Variants in CNOT2 observed in about 807,000 individuals in gnomAD.
The protein encoded by CNOT2 is CC chemokine receptor 4-negative regulator of transcription 2.
In CNOT2, 7 loss-of-function variants were observed where a neutral mutation model predicts 72.1. The ratio of observed to expected loss-of-function variants is 0.10; its 90% CI spans 0.06 to 0.18. CNOT2 has a LOEUF of 0.18. Ranked by LOEUF, CNOT2 falls within the 10% of genes least tolerant of loss-of-function variation. CNOT2 has a pLI of 1.00. For missense variants in CNOT2, 345 were observed against 660.3 expected (o/e 0.52, Z 5.23); for synonymous variants, 196 against 225.6 (o/e 0.87, Z 1.17).
intron 2 of CNOT2, among the ~76,000 whole-genome samples, chr12:70,281,692 TCATAGCCTTTA>T (rs1335956591): frequency 6.6e-6 from 1 of 152,202 alleles, no homozygotes; most frequent in Admixed American, 6.5e-5. Context: ...TCCCTTTCTT[TCATAGCCTTTA>T]CATACTTCTA....
chr12:70,343,632 A>C (rs991864097), intron 13 of CNOT2, among the ~76,000 whole-genome samples: 7 of 152,200 alleles, frequency 4.6e-5, no homozygotes, highest in Admixed American at 2.6e-4. Context: ...GGCACTCTAC[A>C]AGGTGCTTTC....
At chr12:70,316,179 C>T (rs911061534) in intron 3 of CNOT2, among the ~76,000 whole-genome samples, 4 of 152,106 alleles carry the variant, frequency 2.6e-5, no homozygotes, top group Non-Finnish European at 5.9e-5. Context: ...TTTCTGACTC[C>T]AAAACTAGAC....
intron 2 of CNOT2, among the ~76,000 whole-genome samples, chr12:70,298,617 T>C (rs913958776): frequency 6.6e-6 from 1 of 152,224 alleles, no homozygotes; most frequent in African/African-American, 2.4e-5. Context: ...TTTATAGTTA[T>C]GATAAAGTGT....
At chr12:70,295,449 A>G (rs914700253) in intron 2 of CNOT2, among the ~76,000 whole-genome samples, 2 of 152,018 alleles carry the variant, frequency 1.3e-5, no homozygotes, top group African/African-American at 4.8e-5. Context: ...ATATGTATTC[A>G]TATTCCCTTC....
chr12:70,253,988 C>T (rs1297882867), intron 1 of CNOT2, among the ~76,000 whole-genome samples: 3 of 152,014 alleles, frequency 2.0e-5, no homozygotes, highest in Admixed American at 6.5e-5. Context: ...CCTGTAGTCC[C>T]AACACTTTGG....
At chr12:70,350,642 G>A (rs1267765992) in intron 15 of CNOT2, among the ~76,000 whole-genome samples, 1 of 152,054 alleles carries the variant, frequency 6.6e-6, no homozygotes. Context: ...CTTATTTTCT[G>A]CACAAAATAT....
At chr12:70,250,086 T>C (rs1395195393) in intron 1 of CNOT2, among the ~76,000 whole-genome samples, 1 of 152,156 alleles carries the variant, frequency 6.6e-6, no homozygotes, top group Non-Finnish European at 1.5e-5. Context: ...TGTTTAAGTT[T>C]GGTATACAAT....
At chr12:70,294,040 C>A (rs1274283693) in intron 2 of CNOT2, 1 of 1,079,252 alleles carries the variant, frequency 9.3e-7, no homozygotes, top group Non-Finnish European at 1.2e-6. Flanking sequence ...ACATTCAGAT[C>A]TTTATAGCAT....
chr12:70,257,233 A>AAG (rs1044230348), intron 1 of CNOT2, among the ~76,000 whole-genome samples: 1 of 152,170 alleles, frequency 6.6e-6, no homozygotes, highest in African/African-American at 2.4e-5. Context: ...TTCTCTCTGT[A>AAG]AGAACAGGTA....
intron 6 of CNOT2, chr12:70,330,717 G>A (rs1452559012): frequency 8.1e-6 from 3 of 370,960 alleles, no homozygotes; most frequent in South Asian, 6.0e-5. Flanking sequence ...TCTTGGATTC[G>A]CCACCAGGCA....
chr12:70,304,027 T>A (rs188046417), intron 2 of CNOT2, among the ~76,000 whole-genome samples: 13 of 152,354 alleles, frequency 8.5e-5, no homozygotes, highest in Non-Finnish European at 5.9e-5. Flanking sequence ...ATTCGTCACG[T>A]TCTCGTGCCG....
chr12:70,330,148 G>A, intron 5 of CNOT2, 139 bp from the exon 6 acceptor site: 1 of 503,814 alleles, frequency 2.0e-6, no homozygotes, highest in Non-Finnish European at 3.6e-6. Flanking sequence ...GAGCTAGAAT[G>A]ACTAAAGAAT....
At chr12:70,249,498 C>G (rs1438089110) in intron 1 of CNOT2, among the ~76,000 whole-genome samples, 1 of 151,886 alleles carries the variant, frequency 6.6e-6, no homozygotes, top group South Asian at 2.1e-4. Flanking sequence ...CATCTTCAGA[C>G]TGGACTCAGA....
intron 1 of CNOT2, among the ~76,000 whole-genome samples, chr12:70,258,953 G>A (rs187054248): frequency 6.6e-6 from 1 of 152,202 alleles, no homozygotes; most frequent in Non-Finnish European, 1.5e-5. Context: ...ATGGTAGATG[G>A]GTACAGAAAA....
intron 4 of CNOT2, among the ~76,000 whole-genome samples, chr12:70,326,574 A>G (rs1185321190): frequency 6.6e-6 from 1 of 151,260 alleles, no homozygotes; most frequent in Non-Finnish European, 1.5e-5. Context: ...CCTTGACCCT[A>G]TTCAGTTGTG....
intron 1 of CNOT2, among the ~76,000 whole-genome samples, chr12:70,251,708 C>T (rs1958150716): frequency 6.6e-6 from 1 of 152,148 alleles, no homozygotes; most frequent in Non-Finnish European, 1.5e-5. Flanking sequence ...ACTTTGCATT[C>T]ATATAAGCAG....
chr12:70,260,145 T>G (rs1172029597), intron 1 of CNOT2, among the ~76,000 whole-genome samples: 1 of 152,182 alleles, frequency 6.6e-6, no homozygotes, highest in Non-Finnish European at 1.5e-5. Context: ...GCTCCATGAA[T>G]TTCCATATGA....
chr12:70,315,374 A>C (rs1285738175), intron 3 of CNOT2, among the ~76,000 whole-genome samples: 1 of 152,130 alleles, frequency 6.6e-6, no homozygotes, highest in Non-Finnish European at 1.5e-5. Flanking sequence ...GTACAGTTAA[A>C]AAGTCATAAT....
chr12:70,271,229 G>C (rs952379872), intron 1 of CNOT2, among the ~76,000 whole-genome samples: 2 of 152,022 alleles, frequency 1.3e-5, no homozygotes, highest in African/African-American at 4.8e-5. Flanking sequence ...GGGAAAGAGG[G>C]TCTGTTTTTT....
Sources: allele counts gnomAD v4.1 joint callset (sites outside exome capture counted in the v4.1 genomes callset), GRCh38; gene constraint gnomAD v4.1.1; transcripts MANE v1.5; gene names NCBI Gene and HGNC (gene_info 2026-07-23, HGNC 2026-07-21).